Variants in ERG observed in about 807,000 individuals in gnomAD.
ERG encodes transcriptional regulator ERG.
In ERG, 9 loss-of-function variants were observed where a neutral mutation model predicts 55.3. The observed-to-expected ratio is 0.16, with a 90% CI of 0.10 to 0.28. The LOEUF (loss-of-function observed/expected upper bound fraction) is 0.28. Ranked by LOEUF, ERG falls within the 10% of genes least tolerant of loss-of-function variation. The pLI is 1.00. For missense variants in ERG, 434 were observed against 631.6 expected (o/e 0.69, Z 3.35); for synonymous variants, 223 against 237.3 (o/e 0.94, Z 0.55).
At chr21:38,610,243 C>T (rs1252921963) in intron 1 of ERG, among the ~76,000 whole-genome samples, 2 of 152,222 alleles carry the variant, frequency 1.3e-5, no homozygotes, top group Non-Finnish European at 2.9e-5. Context: ...ACAATAAGAA[C>T]TAAAATGTTT....
At chr21:38,583,496 T>G (rs929210491) in intron 1 of ERG, among the ~76,000 whole-genome samples, 2 of 152,182 alleles carry the variant, frequency 1.3e-5, no homozygotes, top group African/African-American at 2.4e-5. Flanking sequence ...TCTCCCACAT[T>G]TATCTAAAAA....
chr21:38,527,297 C>G (rs1461890683), intron 2 of ERG, among the ~76,000 whole-genome samples: 1 of 152,184 alleles, frequency 6.6e-6, no homozygotes, highest in Non-Finnish European at 1.5e-5. Flanking sequence ...AGACCAGCAG[C>G]CTCAGCTGCA....
At chr21:38,519,395 C>T (rs1025274089) in intron 2 of ERG, among the ~76,000 whole-genome samples, 3 of 152,134 alleles carry the variant, frequency 2.0e-5, no homozygotes, top group Non-Finnish European at 2.9e-5. Flanking sequence ...CACGCAGCAC[C>T]GGTAGCTGTG....
the ERG span, among the ~76,000 whole-genome samples, chr21:38,371,232 T>TTG: frequency 6.6e-6 from 1 of 152,080 alleles, no homozygotes; most frequent in African/African-American, 2.4e-5. Flanking sequence ...AAAAATGCAA[T>TTG]TGAATTTTGA....
chr21:38,403,381 G>C, intron 4 of ERG, 125 bp downstream of exon 4: 1 of 884,470 alleles, frequency 1.1e-6, no homozygotes, highest in Non-Finnish European at 1.8e-6. Context: ...GGCTCCCTCG[G>C]ATCCCCAGTG....
intron 2 of ERG, among the ~76,000 whole-genome samples, chr21:38,441,935 G>A (rs752045687): frequency 6.6e-5 from 10 of 152,192 alleles, no homozygotes; most frequent in East Asian, 3.8e-4. Flanking sequence ...CGGAGGACCC[G>A]GAGGATGAAG....
chr21:38,460,429 T>C lies in ERG; in HGVS notation c.19-14808A>G, dbSNP rs555974288. 1.3e-5 allele frequency among the ~76,000 whole-genome samples: 2 copies of C among 152,358 alleles called. No individual in the cohort carries two copies. The highest frequency in any genetic ancestry group is 3.9e-4 in the East Asian group (2 of 5,188). ...CTGCAAAGAAAATTCTTTCTATCTT[T>C]AAAGTTTTATTATTTTCAAAACTAA... On this transcript the variant is annotated intron_variant, in intron 1 of 9. Coordinates refer to ENST00000288319, the MANE Select transcript of ERG (RefSeq NM_182918.4). This position sits in a 1 kb window ranked among gnomAD's most constrained non-coding sequence, Gnocchi z 5.0.
chr21:38,588,127 A>G (rs144649765), upstream of ERG, among the ~76,000 whole-genome samples: 435 of 152,360 alleles, frequency 2.9e-3, 5 homozygotes, highest in African/African-American at 0.01. Flanking sequence ...GCACACTACC[A>G]GCCGCGTGAG....
At chr21:38,562,080 T>C (rs1273922305) in intron 2 of ERG, among the ~76,000 whole-genome samples, 1 of 152,230 alleles carries the variant, frequency 6.6e-6, no homozygotes, top group Non-Finnish European at 1.5e-5. Context: ...TGTGCAATTT[T>C]ATGCCTGCAA....
chr21:38,461,664 C>T (rs1418386633), intron 1 of ERG, among the ~76,000 whole-genome samples: 1 of 152,216 alleles, frequency 6.6e-6, no homozygotes, highest in Non-Finnish European at 1.5e-5. Flanking sequence ...TCTGAGAATC[C>T]AGCTGCCTCC....
At chr21:38,384,872 T>C (rs1226919916) in intron 9 of ERG, among the ~76,000 whole-genome samples, 1 of 149,606 alleles carries the variant, frequency 6.7e-6, no homozygotes, top group East Asian at 1.9e-4. Flanking sequence ...TCAAACCAGA[T>C]CACCCAGTTC....
chr21:38,566,186 A>G (rs555434621), intron 2 of ERG, among the ~76,000 whole-genome samples: 12 of 152,318 alleles, frequency 7.9e-5, no homozygotes, highest in African/African-American at 2.6e-4. Context: ...CAGAAGGTAA[A>G]GAAGACACAG....
At chr21:38,602,398 T>C (rs1250750603) in intron 1 of ERG, among the ~76,000 whole-genome samples, 3 of 152,014 alleles carry the variant, frequency 2.0e-5, no homozygotes, top group African/African-American at 7.3e-5. Flanking sequence ...TGAGCCAAGA[T>C]TGTGCCACTG....
intron 3 of ERG, among the ~76,000 whole-genome samples, chr21:38,412,271 T>C (rs1281104603): frequency 6.6e-6 from 1 of 152,246 alleles, no homozygotes; most frequent in Admixed American, 6.5e-5. Flanking sequence ...TTGCCAAGTG[T>C]CTAATCAGAT....
At chr21:38,502,200 G>A (rs940934818), upstream of ERG, among the ~76,000 whole-genome samples, 15 of 152,200 alleles carry the variant, frequency 9.9e-5, no homozygotes, top group Admixed American at 3.9e-4. Context: ...ACAATGGAAC[G>A]CCCTTCCTCC....
chr21:38,452,312 T>C (rs1225850336), intron 1 of ERG, among the ~76,000 whole-genome samples: 2 of 152,128 alleles, frequency 1.3e-5, no homozygotes, highest in Non-Finnish European at 2.9e-5. Flanking sequence ...TGCATGCAAA[T>C]ACATACATGC....
intron 1 of ERG, among the ~76,000 whole-genome samples, chr21:38,625,915 C>CTTTTTTTTT (rs397797559): frequency 1.2e-5 from 1 of 84,430 alleles, no homozygotes; most frequent in Admixed American, 1.6e-4. Flanking sequence ...ACTTGAAGCT[C>CTTTTTTTTT]TTTTTTTTTT....
At chr21:38,387,067 A>G (rs746281767) in intron 9 of ERG, among the ~76,000 whole-genome samples, 2 of 150,658 alleles carry the variant, frequency 1.3e-5, no homozygotes, top group Admixed American at 1.3e-4. Flanking sequence ...AGACTGAGCA[A>G]AAAAGGGGGA....
rs1427096161 is a variant in ERG at position 38,537,604 on chromosome 21, C to A, written c.-41+38058G>T. On this transcript the variant is annotated intron_variant, in intron 2 of 8. Transcript: ENST00000398897. ...AACATCACTAATCATTGGGAAAATG[C>A]AACTCAAATCCACAATGAAATACTT... Among the ~76,000 whole-genome samples, 5 of 152,026 alleles carry A rather than the reference C, an allele frequency of 3.3e-5. No individual in the cohort carries two copies. In the South Asian group the frequency reaches 1.0e-3, roughly 32 times the overall value.
Sources: allele counts gnomAD v4.1 joint callset (sites outside exome capture counted in the v4.1 genomes callset), GRCh38; gene constraint gnomAD v4.1.1; non-coding constraint Gnocchi (gnomAD v3.1); transcripts MANE v1.5; gene names NCBI Gene and HGNC (gene_info 2026-07-23, HGNC 2026-07-21).